The following MGAT4C variants were observed in gnomAD, a reference collection of about 807,000 sequenced individuals.
MGAT4C encodes the protein MGAT4 family member C.
Under a neutral mutation model 40.1 loss-of-function variants are expected in MGAT4C, and 19 were observed. That is an observed-to-expected ratio of 0.47 (90% CI 0.33 to 0.70). MGAT4C has a LOEUF of 0.70. Ranked by LOEUF, MGAT4C falls within the 30% of genes least tolerant of loss-of-function variation. MGAT4C has a pLI of 0.02. For synonymous variants in MGAT4C, 181 were observed against 187.1 expected (o/e 0.97, Z 0.27); for missense variants, 491 against 563.2 (o/e 0.87, Z 1.30).
At chr12:86,388,386 T>G (rs1956099135) in intron 3 of MGAT4C, among the ~76,000 whole-genome samples, 3 of 134,006 alleles carry the variant, frequency 2.2e-5, no homozygotes, top group Admixed American at 1.5e-4. Context: ...TTTGTACAAT[T>G]TTTTTAAGGT....
In MGAT4C at chr12:85,979,600, C is replaced by A. The variant is rs1273080471; in HGVS notation, c.1126G>T (p.Gly376Ter). The A allele has an allele frequency of 6.2e-7, 1 of 1,609,762 alleles. No homozygotes were observed. The highest frequency in any genetic ancestry group is 1.7e-5 in the Admixed American group (1 of 59,744). ...TCAAATACAATCACAAAAACATCTCCTGTTGAAGGTGGTTTCCCCCAAAAG... is the reference window on the plus strand; with the variant it reads ...TCAAATACAATCACAAAAACATCTCATGTTGAAGGTGGTTTCCCCCAAAAG... ...EYFWGKPPSTGDVFVIVFENP... is the reference protein window; with the variant it reads ...EYFWGKPPST The change falls in exon 5 of 5, where the codon GGA becomes TGA. Residue 376 changes from glycine to a stop codon, truncating the protein, a stop_gained. Transcript: ENST00000611864. LOFTEE classifies it high-confidence loss of function.
intron 1 of MGAT4C, among the ~76,000 whole-genome samples, chr12:86,071,920 T>C (rs1242859031): frequency 6.6e-6 from 1 of 152,102 alleles, no homozygotes; most frequent in African/African-American, 2.4e-5. Context: ...CACCAATTCT[T>C]AGTACTAGGA....
At chr12:86,796,716 C>T (rs966193972) in intron 1 of MGAT4C, among the ~76,000 whole-genome samples, 4 of 151,790 alleles carry the variant, frequency 2.6e-5, no homozygotes, top group East Asian at 1.9e-4. Context: ...TGTGAGGAAA[C>T]GCATATGTTA....
chr12:86,042,433 G>A (rs1215854700), intron 2 of MGAT4C, among the ~76,000 whole-genome samples: 2 of 152,066 alleles, frequency 1.3e-5, no homozygotes, highest in East Asian at 3.9e-4. Context: ...ATGCGTTTTT[G>A]TTGTATCTGG....
At position 85,959,241 on chromosome 12, in the gene MGAT4C, A is replaced by G. The variant is rs1398903456; in HGVS notation, c.*20048T>C. 6.6e-6 allele frequency: 1 copy of G among 152,090 alleles called. No individual in the cohort carries two copies. The highest frequency in any genetic ancestry group is 1.5e-5 in the Non-Finnish European group (1 of 67,976). The allele number at this position is 152,090 out of a possible 1,614,324, so 9.4% of individuals were successfully genotyped here. On this transcript the variant is annotated 3_prime_UTR_variant, in exon 5 of 5. Transcript: ENST00000611864. ...AAACCTTAAGCAACTAGAAATGTCAATCTAAAAGGCAGAAAAGCTGGAAAA... is the reference window on the plus strand; with the variant it reads ...AAACCTTAAGCAACTAGAAATGTCAGTCTAAAAGGCAGAAAAGCTGGAAAA...
chr12:86,387,243 C>A (rs1289208331), intron 3 of MGAT4C, among the ~76,000 whole-genome samples: 3 of 152,012 alleles, frequency 2.0e-5, no homozygotes, highest in African/African-American at 7.2e-5. Flanking sequence ...CTTACTAGTC[C>A]TAATCTCTCA....
chr12:86,654,926 A>G (rs1963805462), intron 2 of MGAT4C, among the ~76,000 whole-genome samples: 1 of 152,080 alleles, frequency 6.6e-6, no homozygotes. Context: ...TATGAAAATA[A>G]ATAAATTATA....
intron 2 of MGAT4C, among the ~76,000 whole-genome samples, chr12:86,554,016 G>C (rs1006376680): frequency 6.6e-6 from 1 of 151,754 alleles, no homozygotes; most frequent in Admixed American, 6.6e-5. Context: ...TCATATCTCA[G>C]AGACCTTATG....
chr12:86,764,392 C>G (rs993365206), intron 1 of MGAT4C, among the ~76,000 whole-genome samples: 6 of 152,158 alleles, frequency 3.9e-5, no homozygotes, highest in Non-Finnish European at 7.4e-5. Flanking sequence ...CACCACAGCT[C>G]AAGGAGGCCT....
chr12:86,425,919 T>TA lies in MGAT4C; in HGVS notation c.-120+9237dup, dbSNP rs534481041. Reference sequence around the variant, plus strand: ...TCTTTTAATATTTAAACTGTTTTAATAAAATTAATATGCCAATATTAATAA... The same window carrying TA: ...TCTTTTAATATTTAAACTGTTTTAATAAAAATTAATATGCCAATATTAATAA... On this transcript the variant is annotated intron_variant, in intron 3 of 7. Transcript: ENST00000548651. Among the ~76,000 whole-genome samples the TA allele has an allele frequency of 4.5e-4, 68 of 152,342 alleles. No homozygotes were observed. The East Asian group carries it at 0.011, about 25-fold the overall frequency.
chr12:86,228,658 T>A (rs1178545798), intron 1 of MGAT4C, among the ~76,000 whole-genome samples: 1 of 150,342 alleles, frequency 6.7e-6, no homozygotes, highest in Non-Finnish European at 1.5e-5. Context: ...GGATTTGCAT[T>A]TGTGAAAAAA....
At chr12:86,710,400 ACAT>A in intron 2 of MGAT4C, among the ~76,000 whole-genome samples, 1 of 152,306 alleles carries the variant, frequency 6.6e-6, no homozygotes, top group Admixed American at 6.5e-5. Context: ...CATAACACTT[ACAT>A]TTTCTTAAGT....
intron 3 of MGAT4C, among the ~76,000 whole-genome samples, chr12:86,373,001 C>A (rs1955749159): frequency 6.6e-6 from 1 of 150,700 alleles, no homozygotes; most frequent in Non-Finnish European, 1.5e-5. Context: ...TATGAATAAT[C>A]ATTTATAAAA....
At chr12:86,567,271 C>T (rs144938094) in intron 2 of MGAT4C, among the ~76,000 whole-genome samples, 2 of 152,212 alleles carry the variant, frequency 1.3e-5, no homozygotes, top group Non-Finnish European at 2.9e-5. Context: ...TGTGACATTA[C>T]GTTCTGCTGG....
At chr12:86,627,781 T>A (rs946418176) in intron 2 of MGAT4C, among the ~76,000 whole-genome samples, 1 of 152,040 alleles carries the variant, frequency 6.6e-6, no homozygotes, top group East Asian at 1.9e-4. Flanking sequence ...ACCACACAGA[T>A]GGGGAGAAAC....
In MGAT4C at chr12:86,769,962, T is replaced by C. The variant is rs575051680; in HGVS notation, c.-261-42721A>G. 5.5e-3 allele frequency among the ~76,000 whole-genome samples: 843 copies of C among 152,156 alleles called. 3 individuals are homozygous for C. The highest frequency in any genetic ancestry group is 9.0e-3 in the Non-Finnish European group (609 of 67,998). On this transcript the variant is annotated intron_variant, in intron 1 of 7. Coordinates refer to the MGAT4C transcript ENST00000548651. ...CACCAGCATGGCACACGTATACATA[T>C]GTAACTAACCTGCATATTGTGCACA...
chr12:86,714,207 G>T (rs1950604670), intron 2 of MGAT4C, among the ~76,000 whole-genome samples: 1 of 152,084 alleles, frequency 6.6e-6, no homozygotes. Flanking sequence ...TTACCAAAAT[G>T]CAGGTTAGCA....
At chr12:86,687,367 G>A (rs1950092404) in intron 2 of MGAT4C, among the ~76,000 whole-genome samples, 1 of 152,028 alleles carries the variant, frequency 6.6e-6, no homozygotes, top group Non-Finnish European at 1.5e-5. Flanking sequence ...GTTATTTCTT[G>A]TCTTCTGCTA....
Position 86,595,323 on chromosome 12 carries a change from G to C in MGAT4C, c.-229+131886C>G, listed in dbSNP as rs532794941. Among the ~76,000 whole-genome samples the C allele has an allele frequency of 2.6e-5, 4 of 152,190 alleles. No homozygotes were observed. The East Asian group carries it at 7.8e-4, about 29-fold the overall frequency. On this transcript the variant is annotated intron_variant, in intron 2 of 7. Transcript: ENST00000548651. The stretch of plus-strand genomic sequence containing the variant: ...CTTTGGGAGGATAACCTGAGGTCAG[G>C]AGTTCGAGACCAGCCTGGCCAACAT...
Sources: gnomAD v4.1 joint callset for allele counts (sites outside exome capture counted in the v4.1 genomes callset) on GRCh38, gnomAD v4.1.1 for gene constraint, MANE v1.5 for transcripts, NCBI Gene and HGNC (gene_info 2026-07-23, HGNC 2026-07-21) for gene names.